Variants in SOX5 observed in about 807,000 individuals in gnomAD.
SOX5 encodes SRY-box transcription factor 5, also known as transcription factor SOX-5.
Under a neutral mutation model 92.0 loss-of-function variants are expected in SOX5, and 9 were observed. The observed-to-expected ratio is 0.10, with a 90% CI of 0.06 to 0.17. The LOEUF (loss-of-function observed/expected upper bound fraction) is 0.17, where lower values mean the gene tolerates loss of function less well. SOX5 is among the 10% of genes least tolerant of loss of function. The pLI is 1.00. For missense variants in SOX5, 642 were observed against 944.5 expected, an observed-to-expected ratio of 0.68 and a Z score of 4.20; for synonymous variants, 344 against 336.3, an observed-to-expected ratio of 1.02 and a Z score of -0.25.
chr12:24,303,804 A>C (rs903195138), intron 2 of SOX5, among the ~76,000 whole-genome samples: 2 of 152,216 alleles, frequency 1.3e-5, no homozygotes, highest in African/African-American at 4.8e-5. Context: ...GAATGCCAGG[A>C]GGTGAGGATC....
intron 4 of SOX5, among the ~76,000 whole-genome samples, chr12:24,065,056 G>T (rs371010810): frequency 6.6e-6 from 1 of 152,176 alleles, no homozygotes. Flanking sequence ...GCATAAAAAG[G>T]CTTCCTACTG....
intron 4 of SOX5, among the ~76,000 whole-genome samples, chr12:24,125,431 A>G (rs934710786): frequency 5.9e-5 from 9 of 152,308 alleles, no homozygotes; most frequent in South Asian, 4.1e-4. Flanking sequence ...TTTAGCAAAT[A>G]GTTACTGAGG....
At chr12:24,354,588 G>C (rs1462033950) in intron 2 of SOX5, among the ~76,000 whole-genome samples, 2 of 152,228 alleles carry the variant, frequency 1.3e-5, no homozygotes, top group Non-Finnish European at 2.9e-5. Flanking sequence ...CCAGAATCCA[G>C]GCTTTCCTGG....
chr12:24,050,405 G>A (rs1957455370), intron 4 of SOX5, among the ~76,000 whole-genome samples: 1 of 152,064 alleles, frequency 6.6e-6, no homozygotes, highest in African/African-American at 2.4e-5. Context: ...TGGTGACTGG[G>A]CTAGCCATTT....
At chr12:23,717,995 AAAGT>A (rs2092606134) in intron 6 of SOX5, among the ~76,000 whole-genome samples, 1 of 152,214 alleles carries the variant, frequency 6.6e-6, no homozygotes, top group African/African-American at 2.4e-5. Context: ...GATAGTTATT[AAAGT>A]AAAAAAATTC....
At chr12:24,161,799 G>T (rs1356586952) in intron 4 of SOX5, among the ~76,000 whole-genome samples, 1 of 152,032 alleles carries the variant, frequency 6.6e-6, no homozygotes, top group Non-Finnish European at 1.5e-5. Flanking sequence ...TTCACACTCT[G>T]TTCTTCAGAA....
At chr12:24,309,960 A>G (rs1054664877) in intron 2 of SOX5, among the ~76,000 whole-genome samples, 1 of 151,954 alleles carries the variant, frequency 6.6e-6, no homozygotes, top group Non-Finnish European at 1.5e-5. Context: ...CTACTGCAAC[A>G]CTTTCCCTAC....
At chr12:24,455,256 G>T (rs148417881) in intron 1 of SOX5, among the ~76,000 whole-genome samples, 1 of 152,108 alleles carries the variant, frequency 6.6e-6, no homozygotes, top group Non-Finnish European at 1.5e-5. Context: ...CATCATTGAC[G>T]CAGGAAGAGT....
At chr12:23,830,614 G>A (rs1025432128) in intron 3 of SOX5, among the ~76,000 whole-genome samples, 1 of 152,068 alleles carries the variant, frequency 6.6e-6, no homozygotes, top group Non-Finnish European at 1.5e-5. Context: ...CCCCTGATCC[G>A]TTCACTTTTT....
rs185600483 is a variant in SOX5 at position 23,604,027 on chromosome 12, T to A, written c.1164+360A>T. The A allele has an allele frequency of 3.2e-4, 55 of 170,360 alleles. 1 individual carries two copies. Among genetic ancestry groups the A allele is most frequent in the African/African-American group, 1.3e-3 (53 of 42,254 alleles). 10.6% of individuals were successfully genotyped at this position (170,360 alleles called of 1,614,324 possible). A position where few individuals can be genotyped will look rare whatever the true frequency, so the allele number is the denominator to read the frequency against. ...CCAATATAACTTCCAATGTACTTTA[T>A]CTGTAACTTTTTACAAAATTTATTT... On this transcript the variant is annotated intron_variant, in intron 9 of 14. Transcript: ENST00000451604.
At chr12:24,220,658 G>T (rs112013539) in intron 3 of SOX5, among the ~76,000 whole-genome samples, 1 of 152,150 alleles carries the variant, frequency 6.6e-6, no homozygotes, top group African/African-American at 2.4e-5. Flanking sequence ...ACAGCACACA[G>T]ATCTCTACTG....
intron 4 of SOX5, among the ~76,000 whole-genome samples, chr12:23,992,565 C>A (rs139772637): frequency 1.3e-5 from 2 of 152,200 alleles, no homozygotes; most frequent in Non-Finnish European, 2.9e-5. Flanking sequence ...TTTCAGAAAA[C>A]TTTTTTTCAT....
At chr12:23,872,164 A>ATTTTTTTTTTT (rs71059938) in intron 2 of SOX5, among the ~76,000 whole-genome samples, 4 of 61,650 alleles carry the variant, frequency 6.5e-5, no homozygotes, top group African/African-American at 1.7e-4. Flanking sequence ...CGCCCGGCTA[A>ATTTTTTTTTTT]TTTTTTTTTT....
intron 1 of SOX5, among the ~76,000 whole-genome samples, chr12:24,538,556 C>G (rs1025906702): frequency 6.6e-6 from 1 of 151,706 alleles, no homozygotes; most frequent in African/African-American, 2.4e-5. Flanking sequence ...ATCTCCATCT[C>G]TCTGCCAGAT....
chr12:24,102,476 C>G (rs978235459), intron 4 of SOX5, among the ~76,000 whole-genome samples: 1 of 152,106 alleles, frequency 6.6e-6, no homozygotes, highest in Non-Finnish European at 1.5e-5. Context: ...TGGATAAATG[C>G]AGGATAGGGA....
chr12:23,779,814 T>TATATATATATACACAC (rs777013504), intron 3 of SOX5, among the ~76,000 whole-genome samples: 93 of 110,780 alleles, frequency 8.4e-4, no homozygotes, highest in Non-Finnish European at 1.2e-3. Context: ...TATATATATA[T>TATATATATATACACAC]ACACACACAC....
intron 4 of SOX5, among the ~76,000 whole-genome samples, chr12:23,966,203 CAAAAAAAAAAAAAAAAAAAAAAAAAAA>C (rs869143890): frequency 3.5e-5 from 2 of 57,308 alleles, no homozygotes; most frequent in Non-Finnish European, 3.3e-5. Context: ...ACTCAATATC[CAAAAAAAAAAAAAAAAAAAAAAAAAAA>C]AAAAAAAAAA....
intron 2 of SOX5, among the ~76,000 whole-genome samples, chr12:23,886,809 ATAACT>A (rs531957742): frequency 6.6e-6 from 1 of 152,198 alleles, no homozygotes; most frequent in Non-Finnish European, 1.5e-5. Context: ...ATGCTGTCAA[ATAACT>A]TAAAGTGAAA....
chr12:24,355,280 A>ATTTTTTTT (rs1565973053), intron 2 of SOX5, among the ~76,000 whole-genome samples: 1 of 84,034 alleles, frequency 1.2e-5, no homozygotes. Flanking sequence ...TGAGGGGTGC[A>ATTTTTTTT]TCTTTTTTTT....
Sources: gnomAD v4.1 joint callset for allele counts (sites outside exome capture counted in the v4.1 genomes callset) on GRCh38, gnomAD v4.1.1 for gene constraint, MANE v1.5 for transcripts, NCBI Gene and HGNC (gene_info 2026-07-23, HGNC 2026-07-21) for gene names.